Variants in NOX3 observed in about 807,000 individuals in gnomAD.
The protein encoded by NOX3 is NADPH oxidase catalytic subunit-like 3.
Under a neutral mutation model 76.7 loss-of-function variants are expected in NOX3, and 74 were observed. That is an observed-to-expected ratio of 0.96 (90% CI 0.80 to 1.17). The LOEUF (loss-of-function observed/expected upper bound fraction) is 1.17. Among genes scored for constraint, NOX3 ranks in the 50% most tolerant of loss-of-function variants. NOX3 has a pLI of 0.00. For synonymous variants in NOX3, 263 were observed against 261.1 expected (o/e 1.01, Z -0.07); for missense variants, 695 against 703.3 (o/e 0.99, Z 0.13).
chr6:155,396,674 G>T (rs1779141882), intron 13 of NOX3, 135 bp downstream of exon 13: 3 of 561,104 alleles, frequency 5.3e-6, no homozygotes, highest in Non-Finnish European at 8.9e-6. Flanking sequence ...TTGTGGCAAT[G>T]TTGGCACTTT....
At chr6:155,446,633 T>G (rs1263286907) in intron 4 of NOX3, among the ~76,000 whole-genome samples, 1 of 152,222 alleles carries the variant, frequency 6.6e-6, no homozygotes, top group Non-Finnish European at 1.5e-5. Context: ...TAATGAGCAA[T>G]TATCATACCT....
At chr6:155,433,847 G>A (rs987455175) in intron 7 of NOX3, among the ~76,000 whole-genome samples, 4 of 152,172 alleles carry the variant, frequency 2.6e-5, no homozygotes, top group African/African-American at 9.7e-5. Flanking sequence ...AAATAATGGG[G>A]AAGAACTATT....
Position 155,455,028 on chromosome 6 carries a change from A to G in NOX3, c.144+6T>C, listed in dbSNP as rs1777195031. Reference sequence around the variant, plus strand: ...AAAATAATGTTTAATCATAAACTGTACTTACACCCAAAATAACTCGTGTGT... The same window carrying G: ...AAAATAATGTTTAATCATAAACTGTGCTTACACCCAAAATAACTCGTGTGT... On this transcript the variant is annotated splice_donor_region_variant and intron_variant, in intron 2 of 13. Transcript: ENST00000159060. 2 of 1,600,180 alleles carry G rather than the reference A, an allele frequency of 1.2e-6. No individual in the cohort carries two copies. The highest frequency in any genetic ancestry group is 1.3e-5 in the African/African-American group (1 of 74,752).
At chr6:155,429,454 T>A (rs1174011748) in intron 8 of NOX3, among the ~76,000 whole-genome samples, 1 of 152,238 alleles carries the variant, frequency 6.6e-6, no homozygotes, top group African/African-American at 2.4e-5. Context: ...TTTTGTTACC[T>A]TTTTCAATGA....
At chr6:155,405,652 T>C (rs960897446) in intron 12 of NOX3, among the ~76,000 whole-genome samples, 1 of 152,204 alleles carries the variant, frequency 6.6e-6, no homozygotes, top group African/African-American at 2.4e-5. Context: ...CATCACCATA[T>C]GGTAAGTGGG....
chr6:155,422,623 C>T (rs571043270), intron 10 of NOX3, 71 bp downstream of exon 10: 93 of 1,414,492 alleles, frequency 6.6e-5, no homozygotes, highest in African/African-American at 1.6e-4. Flanking sequence ...CCCCAAGAAT[C>T]GGCAGATGAT....
intron 5 of NOX3, among the ~76,000 whole-genome samples, chr6:155,442,501 T>G (rs1179018211): frequency 1.3e-5 from 2 of 152,218 alleles, no homozygotes; most frequent in Non-Finnish European, 2.9e-5. Context: ...TGTATTGCCT[T>G]ACGGCTTTTC....
At chr6:155,424,807 C>T (rs1426802467) in intron 9 of NOX3, among the ~76,000 whole-genome samples, 2 of 152,110 alleles carry the variant, frequency 1.3e-5, no homozygotes, top group Admixed American at 6.5e-5. Flanking sequence ...AAAACCTGTC[C>T]ATAGATTCAA....
intron 10 of NOX3, among the ~76,000 whole-genome samples, chr6:155,415,977 A>C (rs1319956368): frequency 6.6e-6 from 1 of 152,334 alleles, no homozygotes; most frequent in Admixed American, 6.5e-5. Context: ...CTGAGAAGGG[A>C]AGCCAAACTT....
At chr6:155,400,260 G>T (rs1035883300) in intron 12 of NOX3, among the ~76,000 whole-genome samples, 2 of 152,164 alleles carry the variant, frequency 1.3e-5, no homozygotes, top group Non-Finnish European at 2.9e-5. Flanking sequence ...CCACCACCTC[G>T]CTGAATTCCC....
rs778510929 is a variant in NOX3, at chr6:155,440,141, A to G, written c.487-4T>C. The G allele has an allele frequency of 1.3e-6, 2 of 1,550,496 alleles. No individual in the cohort carries two copies. The highest frequency in any genetic ancestry group is 1.7e-6 in the Non-Finnish European group (2 of 1,151,470). Reference sequence around the variant, plus strand: ...TTAGCAATTCAGTGGTTGTGTTCTAAAAAAAACAACAACAACAAAAAAAGA... The same window carrying G: ...TTAGCAATTCAGTGGTTGTGTTCTAGAAAAAACAACAACAACAAAAAAAGA... On this transcript the variant is annotated splice_region_variant and splice_polypyrimidine_tract_variant and intron_variant, in intron 5 of 13. Coordinates refer to ENST00000159060, the MANE Select transcript of NOX3 (RefSeq NM_015718.3).
intron 10 of NOX3, among the ~76,000 whole-genome samples, chr6:155,412,094 G>T (rs1176123224): frequency 6.6e-5 from 10 of 152,154 alleles, no homozygotes; most frequent in African/African-American, 2.4e-4. Flanking sequence ...AGAAACCACA[G>T]GAGATAAATC....
rs148047122 is a variant in NOX3, at chr6:155,408,061, C to T, written c.1456-807G>A. Among the ~76,000 whole-genome samples, 1,508 of 152,256 alleles carry T rather than the reference C, an allele frequency of 9.9e-3. 39 individuals carry two copies. The highest frequency in any genetic ancestry group is 0.034 in the African/African-American group (1,433 of 41,540). On this transcript the variant is annotated intron_variant, in intron 11 of 13. Coordinates refer to ENST00000159060, the MANE Select transcript of NOX3 (RefSeq NM_015718.3). ...TGGCGTGATCTCGGTTCACTGCAAT[C>T]TCCACCTCCTGAGTTCAAGCGATTC... is the stretch of plus-strand genomic sequence containing the variant.
intron 7 of NOX3, among the ~76,000 whole-genome samples, chr6:155,434,249 A>C (rs1776872543): frequency 1.3e-5 from 2 of 152,122 alleles, no homozygotes; most frequent in Admixed American, 1.3e-4. Context: ...TTTACCACTA[A>C]CAGCTTTCCC....
chr6:155,425,525 C>A (rs1036753565), intron 9 of NOX3, among the ~76,000 whole-genome samples: 1 of 152,188 alleles, frequency 6.6e-6, no homozygotes, highest in South Asian at 2.1e-4. Context: ...ACTCCTCTAA[C>A]AAACACTTCC....
At chr6:155,412,402 G>A (rs1395804793) in intron 10 of NOX3, among the ~76,000 whole-genome samples, 4 of 152,112 alleles carry the variant, frequency 2.6e-5, no homozygotes, top group African/African-American at 9.7e-5. Context: ...TTATCTCAAA[G>A]CTAAACATCT....
intron 10 of NOX3, among the ~76,000 whole-genome samples, chr6:155,422,457 C>T (rs1384003217): frequency 1.3e-5 from 2 of 152,162 alleles, no homozygotes; most frequent in East Asian, 1.9e-4. Flanking sequence ...ATTACATGTC[C>T]TGTAATGGCA....
At chr6:155,409,472 C>T (rs1327584858) in intron 11 of NOX3, among the ~76,000 whole-genome samples, 1 of 152,122 alleles carries the variant, frequency 6.6e-6, no homozygotes, top group African/African-American at 2.4e-5. Context: ...CTTGTGGTAC[C>T]GCCAATCACT....
intron 10 of NOX3, among the ~76,000 whole-genome samples, chr6:155,422,345 C>T (rs752242161): frequency 5.9e-5 from 9 of 152,198 alleles, no homozygotes; most frequent in Non-Finnish European, 8.8e-5. Context: ...CAACCACAGT[C>T]TGAAGCTAAA....
Sources: allele counts gnomAD v4.1 joint callset (sites outside exome capture counted in the v4.1 genomes callset), GRCh38; gene constraint gnomAD v4.1.1; transcripts MANE v1.5; gene names NCBI Gene and HGNC (gene_info 2026-07-23, HGNC 2026-07-21).